ITGB3: variants seen among roughly 807,000 people sequenced by gnomAD.
ITGB3 encodes the protein integrin beta-3.
A neutral mutation model predicts 85.8 loss-of-function variants in ITGB3; 48 were observed. That is an observed-to-expected ratio of 0.56 (90% CI 0.44 to 0.71). ITGB3 has a LOEUF of 0.71. Ranked by LOEUF, ITGB3 falls within the 30% of genes least tolerant of loss-of-function variation. ITGB3 has a pLI of 0.00. For missense variants in ITGB3, 861 were observed against 1,019.1 expected, an observed-to-expected ratio of 0.84 and a Z score of 2.11; for synonymous variants, 363 against 395.6, an observed-to-expected ratio of 0.92 and a Z score of 0.98.
chr17:47,290,547 G>A (rs2065121207), intron 8 of ITGB3, among the ~76,000 whole-genome samples: 1 of 152,164 alleles, frequency 6.6e-6, no homozygotes, highest in African/African-American at 2.4e-5. Flanking sequence ...GAATTGTGGG[G>A]GCAGAGTGAG....
intron 2 of ITGB3, among the ~76,000 whole-genome samples, chr17:47,278,577 C>G (rs2065071792): frequency 7.2e-6 from 1 of 139,332 alleles, no homozygotes; most frequent in East Asian, 2.2e-4. Flanking sequence ...GAGCGAAACT[C>G]CATCTAAAAA....
At position 47,312,775 on chromosome 17, in the gene ITGB3, T is replaced by C. The variant is rs755268423; in HGVS notation, c.*2571T>C. Among the ~76,000 whole-genome samples, 11 of 152,326 alleles carry C rather than the reference T, an allele frequency of 7.2e-5. No homozygotes were observed. The highest frequency in any genetic ancestry group is 2.1e-4 in the South Asian group (1 of 4,828). On this transcript the variant is annotated 3_prime_UTR_variant, in exon 15 of 15. Coordinates refer to ENST00000559488, the MANE Select transcript of ITGB3 (RefSeq NM_000212.3). The stretch of plus-strand genomic sequence containing the variant: ...ATTCATGAGGTAGCAAATAGCAGTT[T>C]TGGCCTGTGGGGTGAACAGCTAAAC...
chr17:47,307,754 G>C (rs1248869552), intron 14 of ITGB3, 117 bp downstream of exon 14: 1 of 1,010,150 alleles, frequency 9.9e-7, no homozygotes, highest in East Asian at 2.6e-5. Context: ...ATTATCCTCT[G>C]TTCTGGAAAC....
At chr17:47,291,130 G>A (rs755223416) in intron 9 of ITGB3, 42 bp downstream of exon 9, 2 of 1,612,940 alleles carry the variant, frequency 1.2e-6, no homozygotes, top group Non-Finnish European at 1.7e-6. Flanking sequence ...GAGCATCTGT[G>A]GGCACCCAAC....
intron 1 of ITGB3, among the ~76,000 whole-genome samples, chr17:47,259,625 C>T (rs2065002138): frequency 6.6e-6 from 1 of 152,208 alleles, no homozygotes; most frequent in South Asian, 2.1e-4. Context: ...CTTGGCTGGG[C>T]GCGGTGGCTC....
chr17:47,291,491 C>T (rs1380462309), intron 9 of ITGB3: 1 of 378,544 alleles, frequency 2.6e-6, no homozygotes, highest in African/African-American at 2.1e-5. Context: ...TAAAACACTC[C>T]AGTCTCTCCA....
intron 14 of ITGB3, 24 bp from the exon 15 acceptor site, chr17:47,310,115 G>C (rs748417212): frequency 2.2e-5 from 36 of 1,608,824 alleles, no homozygotes; most frequent in Admixed American, 1.0e-4. Context: ...GTCACTGTAA[G>C]ATGCTATTCT....
intron 8 of ITGB3, among the ~76,000 whole-genome samples, 198 bp downstream of exon 8, chr17:47,290,472 G>GGAAGGAAGGAAGGA (rs34882712): frequency 6.8e-6 from 1 of 146,310 alleles, no homozygotes; most frequent in Non-Finnish European, 1.5e-5. Context: ...AAGGAAGGAA[G>GGAAGGAAGGAAGGA]AGAGAAAGAA....
At position 47,292,231 on chromosome 17, in the gene ITGB3, G is replaced by C; in HGVS notation, c.1353G>C (p.Leu451=). 6.2e-7 allele frequency: 1 copy of C among 1,614,216 alleles called. No individual in the cohort carries two copies. Among genetic ancestry groups the C allele is most frequent in the Non-Finnish European group, 8.5e-7 (1 of 1,180,024 alleles). ...TIKPVGFKDS[L]IVQVTFDCDC... is the part of the protein sequence containing the mutation. ...AGCCCGTGGGCTTCAAGGACAGCCT[G>C]ATCGTCCAGGTCACCTTTGATTGTG... Residue 451 remains leucine, a synonymous_variant, in exon 10 of 15, where the codon CTG becomes CTC. Transcript: ENST00000559488.
intron 2 of ITGB3, among the ~76,000 whole-genome samples, chr17:47,275,657 G>A (rs528231633): frequency 6.6e-6 from 1 of 152,372 alleles, no homozygotes; most frequent in South Asian, 2.1e-4. Context: ...GCCGCCTGGG[G>A]GGAGGGGCGG....
intron 13 of ITGB3, among the ~76,000 whole-genome samples, chr17:47,305,151 G>C (rs890143696): frequency 2.0e-5 from 3 of 152,168 alleles, no homozygotes; most frequent in Admixed American, 1.3e-4. Context: ...CAGAATTAAA[G>C]AGATTTTACT....
Position 47,292,011 on chromosome 17 carries a change from T to C in ITGB3, c.1261-128T>C, listed in dbSNP as rs2065127542. 5.6e-6 allele frequency: 5 copies of C among 898,154 alleles called. No individual in the cohort carries two copies. In the South Asian group the frequency reaches 5.7e-5, roughly 10 times the overall value. 55.6% of individuals were successfully genotyped at this position (898,154 alleles called of 1,614,324 possible). On this transcript the variant is annotated intron_variant, in intron 9 of 14. Transcript: ENST00000559488. ...ATAGGGAAGGCTGAGGAACTCCAGA[T>C]TGCAAAAGCATAAGACACCCAATTT...
chr17:47,309,681 C>T (rs1399948249), intron 14 of ITGB3, among the ~76,000 whole-genome samples: 1 of 151,816 alleles, frequency 6.6e-6, no homozygotes, highest in Non-Finnish European at 1.5e-5. Flanking sequence ...ATCGCTTGAG[C>T]TCAGGAGTTT....
intron 9 of ITGB3, 47 bp downstream of exon 9, chr17:47,291,135 C>T (rs2065124022): frequency 1.2e-6 from 2 of 1,612,438 alleles, no homozygotes; most frequent in African/African-American, 1.3e-5. Context: ...TCTGTGGGCA[C>T]CCAACCCCCT....
chr17:47,304,399 C>T (rs1283354451), intron 13 of ITGB3, among the ~76,000 whole-genome samples: 1 of 152,218 alleles, frequency 6.6e-6, no homozygotes, highest in East Asian at 1.9e-4. Context: ...AAAGACAACA[C>T]TGCCAAAAGT....
intron 11 of ITGB3, 140 bp from the exon 12 acceptor site, chr17:47,300,338 C>T (rs1477741519): frequency 7.7e-5 from 51 of 665,880 alleles, no homozygotes; most frequent in South Asian, 6.7e-4. Context: ...CTTACAGGCG[C>T]GCGCGCGCGT....
intron 1 of ITGB3, among the ~76,000 whole-genome samples, chr17:47,266,323 C>T (rs922272705): frequency 6.6e-6 from 1 of 152,220 alleles, no homozygotes; most frequent in Non-Finnish European, 1.5e-5. Flanking sequence ...AGTCCCCTGT[C>T]CTCATTAGGG....
Position 47,292,277 on chromosome 17 carries a change from G to T in ITGB3, c.1399G>T (p.Ala467Ser). The change falls in exon 10 of 15, where the codon GCT becomes TCT. Residue 467 changes from alanine to serine, a missense_variant. By Grantham distance (99) the Ala-to-Ser change is moderately conservative (BLOSUM62 1). Transcript: ENST00000559488. ...TTGTGACTGTGCCTGCCAGGCCCAA[G>T]CTGAACCTAATAGCCATCGCTGCAA... ...FDCDCACQAQ[A>S]EPNSHRCNNG... The T allele has an allele frequency of 6.2e-7, 1 of 1,614,222 alleles. No homozygotes were observed. The highest frequency in any genetic ancestry group is 2.2e-5 in the East Asian group (1 of 44,892).
intron 13 of ITGB3, among the ~76,000 whole-genome samples, chr17:47,306,174 T>C (rs1016756917): frequency 6.6e-6 from 1 of 152,200 alleles, no homozygotes; most frequent in African/African-American, 2.4e-5. Flanking sequence ...GGGATTCTGG[T>C]AAACTAGAAA....
Sources: allele counts gnomAD v4.1 joint callset (sites outside exome capture counted in the v4.1 genomes callset), GRCh38; gene constraint gnomAD v4.1.1; transcripts MANE v1.5; gene names NCBI Gene and HGNC (gene_info 2026-07-23, HGNC 2026-07-21).